Variants in DIP2A observed in about 807,000 individuals in gnomAD.
DIP2A encodes disco-interacting protein 2 homolog A.
In DIP2A, 85 loss-of-function variants were observed where a neutral mutation model predicts 177.4. That is an observed-to-expected ratio of 0.48 (90% CI 0.40 to 0.57). DIP2A has a LOEUF of 0.57. Ranked by LOEUF, DIP2A falls within the 20% of genes least tolerant of loss-of-function variation. The pLI, the probability that DIP2A is intolerant of heterozygous loss-of-function variation, is 0.00. For missense variants in DIP2A, 1,791 were observed against 2,100.2 expected (o/e 0.85, Z 2.88); for synonymous variants, 886 against 881.8 (o/e 1.00, Z -0.08).
chr21:46,484,884 A>G, intron 2 of DIP2A, 56 bp downstream of exon 2: 1 of 1,453,926 alleles, frequency 6.9e-7, no homozygotes, highest in Admixed American at 2.7e-5. Flanking sequence ...ATAACATGTG[A>G]TTTTTAAATT....
chr21:46,490,398 G>T (rs2056941776), intron 2 of DIP2A, among the ~76,000 whole-genome samples: 1 of 152,182 alleles, frequency 6.6e-6, no homozygotes, highest in Non-Finnish European at 1.5e-5. Context: ...GCAGGGCTGG[G>T]TGATGTGGGG....
chr21:46,557,007 G>T lies in DIP2A; in HGVS notation c.3567G>T (p.Arg1189=). ...TGCAGTGTGAGCTGTACCCCTCGCGGCAGATCGCCATCTGCCTCGACCCCT... is the reference window on the plus strand; with the variant it reads ...TGCAGTGTGAGCTGTACCCCTCGCGTCAGATCGCCATCTGCCTCGACCCCT... The part of the protein sequence containing the change: ...IKLQCELYPS[R]QIAICLDPYC... The change falls in exon 30 of 38, where the codon CGG becomes CGT. Residue 1189 remains arginine (R), a synonymous_variant. Transcript: ENST00000417564. The surrounding 1 kb of genome is among the most constrained non-coding windows in gnomAD (Gnocchi z 6.0). 1.2e-6 allele frequency: 2 copies of T among 1,601,690 alleles called. No individual in the cohort carries two copies. The highest frequency in any genetic ancestry group is 8.5e-7 in the Non-Finnish European group (1 of 1,174,246).
intron 2 of DIP2A, among the ~76,000 whole-genome samples, chr21:46,490,013 G>A (rs1181020882): frequency 6.6e-6 from 1 of 152,302 alleles, no homozygotes. Context: ...GTGGTGCGGC[G>A]AGGGCAGCTG....
intron 36 of DIP2A, 33 bp downstream of exon 36, chr21:46,565,920 C>CT (rs757255363): frequency 6.2e-7 from 1 of 1,611,282 alleles, no homozygotes; most frequent in South Asian, 1.1e-5. Context: ...TGCGTGAGTG[C>CT]TGTGCGGGGA....
At position 46,459,143 on chromosome 21, in the gene DIP2A, C is replaced by A; in HGVS notation, c.12C>A (p.Arg4=). The A allele has an allele frequency of 1.3e-6, 2 of 1,513,998 alleles. No homozygotes were observed. Among genetic ancestry groups the A allele is most frequent in the South Asian group, 2.5e-5 (2 of 80,666 alleles). The allele number at this position is 1,513,998 out of a possible 1,614,324, so 93.8% of individuals were successfully genotyped here. A position where few individuals can be genotyped will look rare whatever the true frequency, so the allele number is the denominator to read the frequency against. ...TAGCCGGCCTGGCCATGGCTGACCG[C>A]GGGTGCCCGCTGGAGGCGGCGCCGC... MAD[R]GCPLEAAPLP... Residue 4 remains arginine (R), a synonymous_variant, in exon 1 of 38, where the codon CGC becomes CGA. Transcript: ENST00000417564.
intron 33 of DIP2A, 81 bp downstream of exon 33, chr21:46,560,864 C>A: frequency 1.3e-6 from 2 of 1,532,162 alleles, no homozygotes; most frequent in South Asian, 1.2e-5. Flanking sequence ...ACTATGCACC[C>A]CCGGGACCCA....
chr21:46,574,505 CAG>C (rs1292745698), downstream of DIP2A, among the ~76,000 whole-genome samples: 7 of 151,962 alleles, frequency 4.6e-5, no homozygotes, highest in South Asian at 8.3e-4. Context: ...AATAGAAAAA[CAG>C]AGAAAATCAA....
chr21:46,544,773 G>C (rs1314122645), intron 18 of DIP2A, among the ~76,000 whole-genome samples: 1 of 152,126 alleles, frequency 6.6e-6, no homozygotes, highest in Non-Finnish European at 1.5e-5. Flanking sequence ...GTGTGTGGTG[G>C]TGATGGTCAG....
intron 15 of DIP2A, among the ~76,000 whole-genome samples, chr21:46,538,131 G>A (rs541683251): frequency 5.2e-4 from 79 of 152,220 alleles, no homozygotes; most frequent in African/African-American, 1.8e-3. Context: ...AGCTTCTGGG[G>A]TCCTCACACT....
intron 8 of DIP2A, among the ~76,000 whole-genome samples, chr21:46,513,283 G>A (rs1028048640): frequency 6.6e-6 from 1 of 152,148 alleles, no homozygotes; most frequent in African/African-American, 2.4e-5. Flanking sequence ...GAGTAAAGTT[G>A]TATATTGTTG....
chr21:46,551,534 C>T (rs969679260), intron 23 of DIP2A, 100 bp from the exon 24 acceptor site: 11 of 1,018,088 alleles, frequency 1.1e-5, no homozygotes, highest in Non-Finnish European at 2.9e-6. Context: ...TTAAATGCCT[C>T]ATTCAAGTAT....
downstream of DIP2A, among the ~76,000 whole-genome samples, chr21:46,573,645 CAAAAAAAAAAAAAAAAAAAAAAAAA>C (rs201994694): frequency 1.9e-4 from 10 of 52,956 alleles, no homozygotes; most frequent in African/African-American, 6.1e-4. Context: ...CCCTCTCTCA[CAAAAAAAAAAAAAAAAAAAAAAAAA>C]AAAAAAAAAA....
At chr21:46,477,699 G>A (rs866050678) in intron 1 of DIP2A, among the ~76,000 whole-genome samples, 1 of 150,078 alleles carries the variant, frequency 6.7e-6, no homozygotes, top group South Asian at 2.1e-4. Context: ...TCAGCCTCCT[G>A]AGTAGCTGGG....
chr21:46,466,152 A>G (rs4276098), intron 1 of DIP2A, among the ~76,000 whole-genome samples: 47,890 of 151,914 alleles, frequency 0.32, 7,644 homozygotes, highest in East Asian at 0.43. Flanking sequence ...ATTTGATATT[A>G]TATAATTAAA....
intron 32 of DIP2A, among the ~76,000 whole-genome samples, chr21:46,560,272 T>A (rs115076627): frequency 0.014 from 2,088 of 151,954 alleles, 46 homozygotes; most frequent in African/African-American, 0.048. Context: ...AGGAAGAGAG[T>A]AGAAAGGTGA....
At chr21:46,460,564 G>A (rs1029594736) in intron 1 of DIP2A, among the ~76,000 whole-genome samples, 4 of 152,186 alleles carry the variant, frequency 2.6e-5, no homozygotes, top group African/African-American at 9.7e-5. Context: ...CTAGCATACA[G>A]TAAGTCATTT....
At chr21:46,574,433 G>A (rs1252382904), downstream of DIP2A, among the ~76,000 whole-genome samples, 1 of 151,910 alleles carries the variant, frequency 6.6e-6, no homozygotes, top group East Asian at 1.9e-4. Context: ...AACTAAAAAA[G>A]AAGAACAAAC....
chr21:46,565,932 G>C, intron 36 of DIP2A, 45 bp downstream of exon 36: 2 of 1,601,122 alleles, frequency 1.2e-6, no homozygotes, highest in Non-Finnish European at 1.7e-6. Flanking sequence ...GTGCGGGGAG[G>C]ACCTGGGCTC....
chr21:46,544,667 A>G (rs2079101838), intron 18 of DIP2A, among the ~76,000 whole-genome samples: 1 of 152,194 alleles, frequency 6.6e-6, no homozygotes, highest in South Asian at 2.1e-4. Context: ...CTGGAGTCAC[A>G]TGGCAGATTT....
Sources: allele counts gnomAD v4.1 joint callset (sites outside exome capture counted in the v4.1 genomes callset), GRCh38; gene constraint gnomAD v4.1.1; non-coding constraint Gnocchi (gnomAD v3.1); transcripts MANE v1.5; gene names NCBI Gene and HGNC (gene_info 2026-07-23, HGNC 2026-07-21).